DYSF: variants seen among roughly 807,000 people sequenced by gnomAD.
The protein encoded by DYSF is dystrophy-associated fer-1-like 1.
DYSF carries 212 observed loss-of-function variants against 274.9 expected under a neutral mutation model. The observed-to-expected ratio is 0.77, with a 90% CI of 0.69 to 0.86. DYSF has a LOEUF of 0.86. Among genes scored for constraint, DYSF ranks in the 40% least tolerant of loss-of-function variants. The pLI is 0.00. For missense variants in DYSF, 2,666 were observed against 2,783.2 expected, an observed-to-expected ratio of 0.96 and a Z score of 0.95; for synonymous variants, 1,091 against 1,078.7, an observed-to-expected ratio of 1.01 and a Z score of -0.22.
chr2:71,674,379 C>G (rs2095184021), intron 52 of DYSF, 83 bp downstream of exon 52: 1 of 1,362,296 alleles, frequency 7.3e-7, no homozygotes, highest in Non-Finnish European at 1.0e-6. Context: ...CTGTTGGACC[C>G]TTGGGGAAGC....
At chr2:71,547,951 C>T (rs2152781294) in intron 17 of DYSF, among the ~76,000 whole-genome samples, 1 of 152,332 alleles carries the variant, frequency 6.6e-6, no homozygotes, top group Middle Eastern at 3.4e-3. Flanking sequence ...TTAGAAGGAG[C>T]TTAAAATGTG....
chr2:71,469,681 T>G (rs60460614), intron 1 of DYSF, among the ~76,000 whole-genome samples: 2,621 of 152,314 alleles, frequency 0.017, 88 homozygotes, highest in African/African-American at 0.059. Flanking sequence ...GGGCAATTTT[T>G]TGGCTTCCCT....
chr2:71,617,652 G>A (rs2093918948), intron 40 of DYSF, among the ~76,000 whole-genome samples: 1 of 149,710 alleles, frequency 6.7e-6, no homozygotes, highest in Non-Finnish European at 1.5e-5. Flanking sequence ...GGTGGTGTGT[G>A]TGTGGCAGAG....
rs1430883522 is a variant in DYSF, at chr2:71,549,506, T to A, written c.1577-1535T>A. On this transcript the variant is annotated intron_variant, in intron 17 of 55. Coordinates refer to ENST00000410020, the MANE Select transcript of DYSF (RefSeq NM_001130987.2). ...GATTTGCCTGAGGTGGGATTGAGATTCCCCCACAAAGGTAAGTCCCTGGAC... is the reference window on the plus strand; with the variant it reads ...GATTTGCCTGAGGTGGGATTGAGATACCCCCACAAAGGTAAGTCCCTGGAC... 4.0e-5 allele frequency: 41 copies of A among 1,023,302 alleles called. No homozygotes were observed. In the South Asian group the frequency reaches 5.6e-4, roughly 14 times the overall value. The allele number at this position is 1,023,302 out of a possible 1,614,324, so 63.4% of individuals were successfully genotyped here. A position where few individuals can be genotyped will look rare whatever the true frequency, so the allele number is the denominator to read the frequency against.
chr2:71,479,298 T>C (rs1164921981), intron 1 of DYSF, among the ~76,000 whole-genome samples: 4 of 151,832 alleles, frequency 2.6e-5, no homozygotes, highest in African/African-American at 9.7e-5. Flanking sequence ...CCTTCTCTTC[T>C]TCTTTGGGAC....
intron 12 of DYSF, among the ~76,000 whole-genome samples, chr2:71,525,163 T>C (rs1395480229): frequency 2.6e-5 from 4 of 152,158 alleles, no homozygotes; most frequent in African/African-American, 9.7e-5. Flanking sequence ...AGAAATTCTG[T>C]TTTAATTGGT....
At chr2:71,531,434 G>A (rs931853948) in intron 14 of DYSF, among the ~76,000 whole-genome samples, 1 of 152,016 alleles carries the variant, frequency 6.6e-6, no homozygotes, top group Non-Finnish European at 1.5e-5. Flanking sequence ...CAGCGTGTAT[G>A]TTGGTTGCTG....
At chr2:71,549,003 G>A (rs1337498715) in intron 17 of DYSF, among the ~76,000 whole-genome samples, 1 of 152,122 alleles carries the variant, frequency 6.6e-6, no homozygotes, top group African/African-American at 2.4e-5. Context: ...GCTATCATAT[G>A]GAAAAGCACA....
At chr2:71,560,491 C>T (rs2091665692) in intron 22 of DYSF, among the ~76,000 whole-genome samples, 1 of 143,418 alleles carries the variant, frequency 7.0e-6, no homozygotes, top group Non-Finnish European at 1.5e-5. Context: ...TCCGCGGCAC[C>T]CTCGGGGCAG....
Position 71,475,864 on chromosome 2 carries a change from G to A in DYSF, c.92-5019G>A, listed in dbSNP as rs7562033. Reference sequence around the variant, plus strand: ...GCTCACTGCAGCCTCAAACTCCTGGGCTCAAGCAACCCTCCCACCTCAGCA... The same window carrying A: ...GCTCACTGCAGCCTCAAACTCCTGGACTCAAGCAACCCTCCCACCTCAGCA... On this transcript the variant is annotated intron_variant, in intron 1 of 55. Transcript: ENST00000410020. Among the ~76,000 whole-genome samples the A allele has an allele frequency of 1.2e-3, 185 of 152,236 alleles. 1 individual carries two copies. Among genetic ancestry groups the A allele is most frequent in the African/African-American group, 4.2e-3 (175 of 41,530 alleles).
rs189484048 is a variant in DYSF, at chr2:71,592,099, C to T, written c.3574+1811C>T. 1.1e-3 allele frequency among the ~76,000 whole-genome samples: 173 copies of T among 152,274 alleles called. 3 individuals are homozygous for T. In the East Asian group the frequency reaches 0.032, roughly 28 times the overall value. ...TGCTTCCTCTCCCTTCCCGGAAGGG[C>T]GTGAGAGGTGAGGGTGCCGGGAGCG... is the stretch of plus-strand genomic sequence containing the variant. On this transcript the variant is annotated intron_variant, in intron 32 of 55. Coordinates refer to ENST00000410020, the MANE Select transcript of DYSF (RefSeq NM_001130987.2).
intron 36 of DYSF, among the ~76,000 whole-genome samples, chr2:71,606,357 C>A (rs1477616250): frequency 1.3e-5 from 2 of 152,150 alleles, no homozygotes; most frequent in East Asian, 3.9e-4. Context: ...AAGACGGGAG[C>A]TGGTCAAATG....
intron 4 of DYSF, among the ~76,000 whole-genome samples, chr2:71,504,048 G>C (rs1032872990): frequency 6.6e-6 from 1 of 152,222 alleles, no homozygotes; most frequent in Non-Finnish European, 1.5e-5. Context: ...ACAGGGCAGT[G>C]GTACTGCCCC....
chr2:71,539,573 T>G (rs1235937080), intron 17 of DYSF, among the ~76,000 whole-genome samples: 2 of 151,462 alleles, frequency 1.3e-5, no homozygotes, highest in African/African-American at 4.9e-5. Flanking sequence ...TTGAAATAGC[T>G]CTTACTGTTC....
intron 43 of DYSF, among the ~76,000 whole-genome samples, chr2:71,656,846 A>G (rs762283102): frequency 3.3e-5 from 5 of 152,172 alleles, no homozygotes; most frequent in African/African-American, 4.8e-5. Flanking sequence ...CCCTCCCCCA[A>G]CACGTGGGAA....
chr2:71,564,262 G>A (rs777167154), intron 24 of DYSF, 49 bp downstream of exon 24: 3 of 1,611,206 alleles, frequency 1.9e-6, no homozygotes, highest in South Asian at 1.1e-5. Flanking sequence ...CCCAACATAA[G>A]GCCTTTCTCC....
At chr2:71,456,519 C>A (rs559379721) in intron 1 of DYSF, among the ~76,000 whole-genome samples, 1 of 152,158 alleles carries the variant, frequency 6.6e-6, no homozygotes, top group East Asian at 1.9e-4. Context: ...GTCTGGGAAG[C>A]CTTCCCTCCC....
At chr2:71,625,130 GATTA>G (rs3079122) in intron 41 of DYSF, among the ~76,000 whole-genome samples, 1 of 147,758 alleles carries the variant, frequency 6.8e-6, no homozygotes, top group African/African-American at 2.6e-5. Context: ...TATTATAATA[GATTA>G]GTTTCTTTAA....
chr2:71,674,271 C>T lies in DYSF; in HGVS notation c.5859C>T (p.Asp1953=). The T allele has an allele frequency of 6.2e-7, 1 of 1,614,242 alleles. No individual in the cohort carries two copies. Among genetic ancestry groups the T allele is most frequent in the African/African-American group, 1.3e-5 (1 of 75,068 alleles). Residue 1953 remains aspartate, a synonymous_variant, in exon 52 of 56, where the codon GAC becomes GAT. Coordinates refer to ENST00000410020, the MANE Select transcript of DYSF (RefSeq NM_001130987.2). ...TGGTGTTCCAGATCTGGGACAATGA[C>T]AAGTTCTCCTTTGATGATTTTCTGG... The part of the protein sequence containing the change: ...ARVVFQIWDN[D]KFSFDDFLGS...
Sources: gnomAD v4.1 joint callset for allele counts (sites outside exome capture counted in the v4.1 genomes callset) on GRCh38, gnomAD v4.1.1 for gene constraint, MANE v1.5 for transcripts, NCBI Gene and HGNC (gene_info 2026-07-23, HGNC 2026-07-21) for gene names.